Variants in PRIMPOL observed in about 807,000 individuals in gnomAD.
PRIMPOL encodes primase and DNA directed polymerase.
PRIMPOL carries 54 observed loss-of-function variants against 63.6 expected under a neutral mutation model. The ratio of observed to expected loss-of-function variants is 0.85; its 90% CI spans 0.68 to 1.07. The LOEUF (loss-of-function observed/expected upper bound fraction) is 1.07, where lower values mean the gene tolerates loss of function less well. PRIMPOL is among the 50% of genes least tolerant of loss of function. The probability of loss-of-function intolerance (pLI) is 0.00; values close to 1 mark genes in which losing one functional copy is unlikely to be tolerated. For synonymous variants in PRIMPOL, 197 were observed against 220.2 expected (o/e 0.89, Z 0.93); for missense variants, 610 against 648.3 (o/e 0.94, Z 0.64).
chr4:184,682,658 A>G (rs550293751), intron 9 of PRIMPOL, among the ~76,000 whole-genome samples: 1 of 152,190 alleles, frequency 6.6e-6, no homozygotes, highest in South Asian at 2.1e-4. Context: ...ACTTCAGGTA[A>G]TTTTTAAAAA....
At chr4:184,669,426 A>C (rs1040641953) in intron 6 of PRIMPOL, among the ~76,000 whole-genome samples, 3 of 152,294 alleles carry the variant, frequency 2.0e-5, no homozygotes, top group South Asian at 4.1e-4. Context: ...TTCCAAATGA[A>C]GCGTGAATAG....
chr4:184,680,152 C>T (rs1002639428), intron 8 of PRIMPOL, among the ~76,000 whole-genome samples: 2 of 151,802 alleles, frequency 1.3e-5, no homozygotes, highest in African/African-American at 4.8e-5. Context: ...GACTAAATTA[C>T]CATCAACTTG....
At chr4:184,664,095 C>A (rs1749141416) in intron 5 of PRIMPOL, among the ~76,000 whole-genome samples, 1 of 152,170 alleles carries the variant, frequency 6.6e-6, no homozygotes, top group Non-Finnish European at 1.5e-5. Context: ...GTAAGTTTAA[C>A]TTCTGGATTT....
intron 3 of PRIMPOL, among the ~76,000 whole-genome samples, chr4:184,658,091 CTG>C (rs1747097101): frequency 6.8e-6 from 1 of 147,970 alleles, no homozygotes; most frequent in Non-Finnish European, 1.5e-5. Context: ...TTTTGGGGCA[CTG>C]TGGGGAATGT....
intron 2 of PRIMPOL, among the ~76,000 whole-genome samples, chr4:184,656,522 T>C (rs534367136): frequency 4.6e-5 from 7 of 152,186 alleles, no homozygotes; most frequent in Non-Finnish European, 8.8e-5. Flanking sequence ...CATCCATTAC[T>C]ACAGACATCC....
At position 184,665,868 on chromosome 4, in the gene PRIMPOL, A is replaced by T. The variant is rs114560322; in HGVS notation, c.409-49A>T. ...AGAGATGCTTATTGCTTATAGAAAA[A>T]TTTTAAAACAAAAAATATAAATTAT... On this transcript the variant is annotated intron_variant, in intron 5 of 13. Transcript: ENST00000314970. 2,217 of 1,329,510 alleles carry T rather than the reference A, an allele frequency of 1.7e-3. 34 individuals carry two copies. The African/African-American group carries it at 0.03, about 18-fold the overall frequency. 82.4% of individuals were successfully genotyped at this position (1,329,510 alleles called of 1,614,324 possible).
rs1748355171 is a variant in PRIMPOL, at chr4:184,661,678, C to T, written c.279-96C>T. On this transcript the variant is annotated intron_variant, in intron 4 of 13. Transcript: ENST00000314970. The stretch of plus-strand genomic sequence containing the variant: ...CCGAGATCACACCACTGCAGTCCAG[C>T]CTGGGCAACAGAGCTGACTCAGTCT... The T allele has an allele frequency of 9.0e-6, 7 of 778,894 alleles. No individual in the cohort carries two copies. In the South Asian group the frequency reaches 1.4e-4, roughly 16 times the overall value. The allele number at this position is 778,894 out of a possible 1,614,324, so 48.2% of individuals were successfully genotyped here.
intron 7 of PRIMPOL, 63 bp from the exon 8 acceptor site, chr4:184,678,169 G>T: frequency 9.6e-7 from 1 of 1,046,654 alleles, no homozygotes; most frequent in Non-Finnish European, 1.4e-6. Context: ...CTTAATATTT[G>T]CTGACTATGA....
At position 184,661,971 on chromosome 4, in the gene PRIMPOL, T is replaced by G. The variant is rs955482904; in HGVS notation, c.408+68T>G. On this transcript the variant is annotated intron_variant, in intron 5 of 13. Coordinates refer to ENST00000314970, the MANE Select transcript of PRIMPOL (RefSeq NM_152683.4). ...TCATTGGCTTATTCATTCAGTGAAT[T>G]CAGCCTACATAATAGTAGGTTCTGT... The G allele has an allele frequency of 1.2e-5, 17 of 1,454,198 alleles. No individual in the cohort carries two copies. The African/African-American group carries it at 2.3e-4, about 19-fold the overall frequency. 90.1% of individuals were successfully genotyped at this position (1,454,198 alleles called of 1,614,324 possible).
chr4:184,666,521 C>T (rs979458399), intron 6 of PRIMPOL, among the ~76,000 whole-genome samples: 3 of 152,168 alleles, frequency 2.0e-5, no homozygotes, highest in African/African-American at 7.2e-5. Context: ...TAGCTTTGGA[C>T]CTGTCTTTCT....
At chr4:184,685,765 A>G (rs1375163477) in intron 11 of PRIMPOL, 81 bp downstream of exon 11, 4 of 617,174 alleles carry the variant, frequency 6.5e-6, no homozygotes, top group African/African-American at 1.9e-5. Context: ...GCGAATATGA[A>G]AACTATTTTG....
rs554323881 is a variant in PRIMPOL at position 184,681,232 on chromosome 4, AC to A, written c.1008-1012del. Among the ~76,000 whole-genome samples the A allele has an allele frequency of 3.3e-5, 5 of 151,786 alleles. No homozygotes were observed. The South Asian group carries it at 6.2e-4, about 19-fold the overall frequency. On this transcript the variant is annotated intron_variant, in intron 8 of 13. Coordinates refer to ENST00000314970, the MANE Select transcript of PRIMPOL (RefSeq NM_152683.4). Reference sequence around the variant, plus strand: ...TAATCTGTTTTTCCCCTTTGCTCTCACCCCTCCTTCTTTCTTCATTTCTTCC... The same window carrying A: ...TAATCTGTTTTTCCCCTTTGCTCTCACCCTCCTTCTTTCTTCATTTCTTCC...
intron 5 of PRIMPOL, among the ~76,000 whole-genome samples, chr4:184,664,186 T>C (rs1020468191): frequency 6.6e-6 from 1 of 152,226 alleles, no homozygotes; most frequent in African/African-American, 2.4e-5. Flanking sequence ...TATGATTACT[T>C]GTCCTACCTA....
chr4:184,671,339 G>A (rs2705896), intron 6 of PRIMPOL, among the ~76,000 whole-genome samples: 151,948 of 152,280 alleles, frequency 1, 75,811 homozygotes, highest in Non-Finnish European at 1. Flanking sequence ...GAGAGCAAAT[G>A]AGCTCTTGAG....
intron 5 of PRIMPOL, among the ~76,000 whole-genome samples, chr4:184,663,664 C>A (rs1237503676): frequency 6.6e-6 from 1 of 152,178 alleles, no homozygotes; most frequent in Non-Finnish European, 1.5e-5. Flanking sequence ...AGCTAATCTT[C>A]TGCATCAGCA....
At position 184,657,995 on chromosome 4, in the gene PRIMPOL, A is replaced by AAAATAAATAAAT. The variant is rs58284286; in HGVS notation, c.180+705_180+716dup. Among the ~76,000 whole-genome samples the AAAATAAATAAAT allele has an allele frequency of 7.9e-3, 1,069 of 134,982 alleles. 14 individuals carry two copies. The highest frequency in any genetic ancestry group is 0.017 in the African/African-American group (607 of 35,664). 88.6% of individuals were successfully genotyped at this position (134,982 alleles called of 152,430 possible). A position where few individuals can be genotyped will look rare whatever the true frequency, so the allele number is the denominator to read the frequency against. On this transcript the variant is annotated intron_variant, in intron 3 of 13. Transcript: ENST00000314970. Reference sequence around the variant, plus strand: ...GCAACAAGAGCGAAACTCCATCTCAAAAATAAATAAATAAATAAATAAATA... The same window carrying AAAATAAATAAAT: ...GCAACAAGAGCGAAACTCCATCTCAAAAATAAATAAATAAATAAATAAATAAATAAATAAATA...
At chr4:184,670,543 TA>T (rs1371909170) in intron 6 of PRIMPOL, among the ~76,000 whole-genome samples, 252 of 149,020 alleles carry the variant, frequency 1.7e-3, no homozygotes, top group Admixed American at 2.8e-3. Context: ...AGTAGGAAAG[TA>T]ATTTTTTTTT....
intron 13 of PRIMPOL, among the ~76,000 whole-genome samples, chr4:184,692,111 C>G (rs115830920): frequency 6.6e-6 from 1 of 151,916 alleles, no homozygotes; most frequent in Non-Finnish European, 1.5e-5. Flanking sequence ...GTTGTCAAAC[C>G]AACATTTTTC....
chr4:184,690,298 GTTT>G (rs1758154390), intron 11 of PRIMPOL, among the ~76,000 whole-genome samples: 1 of 151,890 alleles, frequency 6.6e-6, no homozygotes, highest in Non-Finnish European at 1.5e-5. Context: ...TCACAATATT[GTTT>G]TCTTAAAAAC....
Sources: allele counts gnomAD v4.1 joint callset (sites outside exome capture counted in the v4.1 genomes callset), GRCh38; gene constraint gnomAD v4.1.1; transcripts MANE v1.5; gene names NCBI Gene and HGNC (gene_info 2026-07-23, HGNC 2026-07-21).